Variants in NAALADL2 observed in about 807,000 individuals in gnomAD.
NAALADL2 encodes inactive N-acetylated-alpha-linked acidic dipeptidase-like protein 2.
NAALADL2 carries 76 observed loss-of-function variants against 87.2 expected under a neutral mutation model. That is an observed-to-expected ratio of 0.87 (90% CI 0.72 to 1.05). The LOEUF is 1.05. NAALADL2 is among the 50% of genes least tolerant of loss of function. The pLI, the probability that NAALADL2 is intolerant of heterozygous loss-of-function variation, is 0.00. For missense variants in NAALADL2, 1,089 were observed against 945.8 expected (o/e 1.15, Z -1.99); for synonymous variants, 354 against 331.0 (o/e 1.07, Z -0.75).
intron 1 of NAALADL2, among the ~76,000 whole-genome samples, chr3:175,017,187 T>A (rs978227112): frequency 2.0e-5 from 3 of 152,022 alleles, no homozygotes; most frequent in African/African-American, 7.2e-5. Context: ...TTCCCTCACA[T>A]TGCTTTTCAT....
At chr3:175,042,262 G>C (rs1343210091) in intron 1 of NAALADL2, among the ~76,000 whole-genome samples, 2 of 152,016 alleles carry the variant, frequency 1.3e-5, no homozygotes, top group Admixed American at 6.6e-5. Flanking sequence ...CTTCTTTGTT[G>C]AAGCCAAATA....
intron 11 of NAALADL2, among the ~76,000 whole-genome samples, chr3:175,673,186 G>C (rs1582849972): frequency 6.6e-6 from 1 of 152,092 alleles, no homozygotes; most frequent in Non-Finnish European, 1.5e-5. Context: ...AACAGGCAGA[G>C]TAATTTATAT....
rs542229656 is a variant in NAALADL2, at chr3:174,633,178, C to CA, written c.-115+82550dup. ...ACATGTAAAAACATAATCCAGAGAA[C>CA]AAAAAAAAACAGTCTTAAAATCTTG... is the stretch of plus-strand genomic sequence containing the variant. On this transcript the variant is annotated intron_variant, in intron 2 of 3. Coordinates refer to the NAALADL2 transcript ENST00000434257. Among the ~76,000 whole-genome samples the CA allele has an allele frequency of 5.9e-4, 87 of 147,860 alleles. No homozygotes were observed. The South Asian group carries it at 0.01, about 17-fold the overall frequency.
intron 1 of NAALADL2, among the ~76,000 whole-genome samples, chr3:174,521,684 C>T (rs1720307196): frequency 1.3e-5 from 2 of 148,716 alleles, no homozygotes; most frequent in Admixed American, 6.7e-5. Flanking sequence ...AACTCAGAAA[C>T]AGAAAATCAA....
At chr3:174,694,932 T>G (rs1728889316) in intron 2 of NAALADL2, among the ~76,000 whole-genome samples, 1 of 151,678 alleles carries the variant, frequency 6.6e-6, no homozygotes, top group South Asian at 2.1e-4. Flanking sequence ...TCTATAAAAT[T>G]CCAAGGGCTC....
Position 175,314,701 on chromosome 3 carries a change from T to A in NAALADL2, c.940-9474T>A, listed in dbSNP as rs1253306493. On this transcript the variant is annotated intron_variant, in intron 4 of 13. Transcript: ENST00000454872. ...ATATATATATATATATATATATATA[T>A]ATATATATATATATATATATAGTTA... 1.1e-3 allele frequency among the ~76,000 whole-genome samples: 100 copies of A among 90,752 alleles called. 1 individual carries two copies. The highest frequency in any genetic ancestry group is 4.6e-3 in the African/African-American group (98 of 21,184). The allele number at this position is 90,752 out of a possible 152,430, so 59.5% of individuals were successfully genotyped here.
chr3:175,370,682 T>G (rs1340866701), intron 5 of NAALADL2, among the ~76,000 whole-genome samples: 2 of 152,190 alleles, frequency 1.3e-5, no homozygotes, highest in East Asian at 3.9e-4. Flanking sequence ...ATGTGGCTAT[T>G]GTACTTGATG....
chr3:175,488,432 G>T (rs888421904), intron 9 of NAALADL2, among the ~76,000 whole-genome samples: 2 of 152,340 alleles, frequency 1.3e-5, no homozygotes, highest in Admixed American at 6.5e-5. Flanking sequence ...TTTTCCATTT[G>T]TCTGGTGTGT....
intron 2 of NAALADL2, among the ~76,000 whole-genome samples, chr3:174,734,941 CTAACT>C (rs750271459): frequency 3.3e-5 from 5 of 152,172 alleles, no homozygotes; most frequent in Non-Finnish European, 5.9e-5. Context: ...AGGAAGGAAA[CTAACT>C]TAACAGAGGG....
intron 3 of NAALADL2, among the ~76,000 whole-genome samples, chr3:174,845,388 G>A (rs949036503): frequency 6.6e-6 from 1 of 152,186 alleles, no homozygotes; most frequent in African/African-American, 2.4e-5. Flanking sequence ...CTGCTGTCAG[G>A]ACAAGGATGG....
intron 9 of NAALADL2, among the ~76,000 whole-genome samples, chr3:175,541,868 G>T (rs558561027): frequency 6.6e-6 from 1 of 152,134 alleles, no homozygotes; most frequent in Non-Finnish European, 1.5e-5. Context: ...TTACAGGTGT[G>T]TGACACCACG....
chr3:175,654,642 C>T (rs1333613228), intron 11 of NAALADL2, among the ~76,000 whole-genome samples: 1 of 152,190 alleles, frequency 6.6e-6, no homozygotes, highest in Non-Finnish European at 1.5e-5. Flanking sequence ...GCTGTAAGTG[C>T]AGCTGCAGGC....
chr3:175,098,797 C>T (rs1446038494), intron 2 of NAALADL2, among the ~76,000 whole-genome samples: 2 of 151,970 alleles, frequency 1.3e-5, no homozygotes, highest in African/African-American at 2.4e-5. Flanking sequence ...ACTGTTTTTA[C>T]TTTAACTTCA....
At chr3:175,679,716 A>G (rs1735329790) in intron 11 of NAALADL2, among the ~76,000 whole-genome samples, 1 of 152,216 alleles carries the variant, frequency 6.6e-6, no homozygotes, top group African/African-American at 2.4e-5. Flanking sequence ...ACAAATGACT[A>G]GCTGGTATTA....
Position 175,803,191 on chromosome 3 carries a change from T to C in NAALADL2, c.2376T>C (p.Asp792=). The C allele has an allele frequency of 6.3e-7, 1 of 1,598,394 alleles. No individual in the cohort carries two copies. The highest frequency in any genetic ancestry group is 8.5e-7 in the Non-Finnish European group (1 of 1,171,560). ...TTGATGTGTTCAAGAGTGTCTTGGA[T>C]GGGAAGAATTGAGAAAACTCTGAGC... ...AGLDVFKSVL[D]GKN is the part of the protein sequence containing the mutation. Residue 792 remains aspartate, a synonymous_variant, in exon 14 of 14, where the codon GAT becomes GAC. Coordinates refer to ENST00000454872, the MANE Select transcript of NAALADL2 (RefSeq NM_207015.3).
intron 3 of NAALADL2, among the ~76,000 whole-genome samples, chr3:174,745,840 C>A (rs552307393): frequency 6.6e-6 from 1 of 152,142 alleles, no homozygotes; most frequent in African/African-American, 2.4e-5. Context: ...AAGACAAAAA[C>A]CACATAATTA....
At chr3:175,324,837 G>T (rs1250420769) in intron 5 of NAALADL2, among the ~76,000 whole-genome samples, 4 of 152,162 alleles carry the variant, frequency 2.6e-5, no homozygotes, top group Admixed American at 6.5e-5. Flanking sequence ...CATTGTTTTG[G>T]CCAATCACTG....
At chr3:174,671,015 G>C (rs767735506) in intron 2 of NAALADL2, among the ~76,000 whole-genome samples, 1 of 152,010 alleles carries the variant, frequency 6.6e-6, no homozygotes, top group South Asian at 2.1e-4. Flanking sequence ...TGCTTTAGCC[G>C]TGTAAAATGT....
At chr3:175,417,977 A>C (rs1714965986) in intron 5 of NAALADL2, among the ~76,000 whole-genome samples, 2 of 151,982 alleles carry the variant, frequency 1.3e-5, no homozygotes, top group African/African-American at 4.8e-5. Context: ...AATGGTGTGG[A>C]GTTATGGTGA....
Sources: allele counts gnomAD v4.1 joint callset (sites outside exome capture counted in the v4.1 genomes callset), GRCh38; gene constraint gnomAD v4.1.1; transcripts MANE v1.5; gene names NCBI Gene and HGNC (gene_info 2026-07-23, HGNC 2026-07-21).